Variants in SLC60A2 observed in about 807,000 individuals in gnomAD.
SLC60A2 encodes the protein solute carrier family 60 member 2, also known as major facilitator superfamily domain containing 4B.
chr6:111,261,964 A>T, the SLC60A2 span, among the ~76,000 whole-genome samples: 1 of 152,164 alleles, frequency 6.6e-6, no homozygotes, highest in Non-Finnish European at 1.5e-5. Context: ...ACCATTTCAA[A>T]AATAGTTTTA....
chr6:111,273,221 G>T, the SLC60A2 span, among the ~76,000 whole-genome samples: 4 of 152,108 alleles, frequency 2.6e-5, no homozygotes, highest in East Asian at 7.7e-4. Flanking sequence ...CCTAATCATG[G>T]CTCACTGCAG....
the SLC60A2 span, chr6:111,267,248 G>GCTAAAATATGGAC: frequency 1.1e-6 from 1 of 882,044 alleles, no homozygotes; most frequent in Non-Finnish European, 1.7e-6. Context: ...TATAGCAAAT[G>GCTAAAATATGGAC]CTAAAAATTT....
chr6:111,259,516 A>G, the SLC60A2 span: 21 of 524,114 alleles, frequency 4.0e-5, no homozygotes, highest in Non-Finnish European at 7.0e-5. Context: ...CGGCAGCAAG[A>G]CGACTTCTCC....
At chr6:111,279,605 C>T in the SLC60A2 span, among the ~76,000 whole-genome samples, 1 of 152,106 alleles carries the variant, frequency 6.6e-6, no homozygotes, top group African/African-American at 2.4e-5. Flanking sequence ...TCTATTCACT[C>T]CACTGCTGCT....
At chr6:111,270,849 AAAAAAC>A in the SLC60A2 span, 1 of 152,178 alleles carries the variant, frequency 6.6e-6, no homozygotes, top group Non-Finnish European at 1.5e-5. Context: ...TCTCAAAAAA[AAAAAAC>A]AAAAATATTC....
chr6:111,263,571 CTT>C, the SLC60A2 span, among the ~76,000 whole-genome samples: 1 of 152,082 alleles, frequency 6.6e-6, no homozygotes, highest in Non-Finnish European at 1.5e-5. Flanking sequence ...TGGTATAAAA[CTT>C]TGCCTTATGG....
At chr6:111,275,115 C>T in the SLC60A2 span, among the ~76,000 whole-genome samples, 1 of 147,582 alleles carries the variant, frequency 6.8e-6, no homozygotes, top group African/African-American at 2.6e-5. Context: ...GACAGGGTCT[C>T]ATTTCGTTGC....
At chr6:111,264,107 T>G in the SLC60A2 span, among the ~76,000 whole-genome samples, 1 of 152,236 alleles carries the variant, frequency 6.6e-6, no homozygotes, top group East Asian at 1.9e-4. Context: ...GCAGCTATTC[T>G]TGCCAATTAG....
At chr6:111,265,357 C>T in the SLC60A2 span, 4 of 985,074 alleles carry the variant, frequency 4.1e-6, no homozygotes, top group Non-Finnish European at 4.8e-6. Flanking sequence ...TAAACGGTGT[C>T]CTTGTTTCCT....
chr6:111,277,144 G>T, the SLC60A2 span, among the ~76,000 whole-genome samples: 1 of 152,220 alleles, frequency 6.6e-6, no homozygotes, highest in Non-Finnish European at 1.5e-5. Context: ...CATCAAAAGG[G>T]AATGTCCACT....
chr6:111,267,423 A>AG, the SLC60A2 span: 3 of 244,776 alleles, frequency 1.2e-5, no homozygotes, highest in African/African-American at 4.5e-5. Flanking sequence ...GTTTTTGAGA[A>AG]GGGGGGTATT....
At chr6:111,271,559 G>T in the SLC60A2 span, among the ~76,000 whole-genome samples, 1 of 151,770 alleles carries the variant, frequency 6.6e-6, no homozygotes, top group South Asian at 2.1e-4. Flanking sequence ...TTATTAGTTT[G>T]AAGAATTATA....
the SLC60A2 span, among the ~76,000 whole-genome samples, chr6:111,279,524 A>G: frequency 6.7e-6 from 1 of 150,322 alleles, no homozygotes; most frequent in Non-Finnish European, 1.5e-5. Context: ...CTGAGATTAC[A>G]GGCATGAGCC....
the SLC60A2 span, among the ~76,000 whole-genome samples, chr6:111,276,948 C>G: frequency 6.6e-6 from 1 of 151,940 alleles, no homozygotes; most frequent in Non-Finnish European, 1.5e-5. Flanking sequence ...CTGTGTATCT[C>G]TGGTCCAGAT....
chr6:111,265,747 G>C, the SLC60A2 span: 1 of 722,232 alleles, frequency 1.4e-6, no homozygotes, highest in Non-Finnish European at 2.2e-6. Flanking sequence ...TGCAATGTTT[G>C]ATAATTAGAA....
the SLC60A2 span, chr6:111,262,465 G>T: frequency 6.4e-7 from 1 of 1,553,736 alleles, no homozygotes; most frequent in South Asian, 1.1e-5. Context: ...TGACTGTCAA[G>T]TGAATTTACA....
chr6:111,266,596 A>G, the SLC60A2 span: 1 of 1,614,172 alleles, frequency 6.2e-7, no homozygotes, highest in Non-Finnish European at 8.5e-7. Context: ...TCTTGGATTG[A>G]GCAGTACACG....
the SLC60A2 span, among the ~76,000 whole-genome samples, chr6:111,263,244 A>G: frequency 3.2e-3 from 491 of 152,296 alleles, 5 homozygotes; most frequent in African/African-American, 0.011. Flanking sequence ...AGCTTTTAGC[A>G]TATACTTTTT....
At chr6:111,278,544 TC>T in the SLC60A2 span, 1 of 152,242 alleles carries the variant, frequency 6.6e-6, no homozygotes, top group African/African-American at 2.4e-5. Flanking sequence ...GGCAAGTCTT[TC>T]CCGTGCTGTT....
Sources: gnomAD v4.1 joint callset for allele counts (sites outside exome capture counted in the v4.1 genomes callset) on GRCh38, gnomAD v4.1.1 for gene constraint, MANE v1.5 for transcripts, NCBI Gene and HGNC (gene_info 2026-07-23, HGNC 2026-07-21) for gene names.